CD160: variants seen among roughly 807,000 people sequenced by gnomAD.
CD160 encodes the protein CD160 molecule.
A neutral mutation model predicts 19.2 loss-of-function variants in CD160; 11 were observed. The observed-to-expected ratio is 0.57, with a 90% confidence interval of 0.36 to 0.95. The LOEUF is 0.95. CD160 is among the 40% of genes least tolerant of loss of function. The pLI is 0.01. For missense variants in CD160, 182 were observed against 213.2 expected, an observed-to-expected ratio of 0.85 and a Z score of 0.91; for synonymous variants, 75 against 81.1, an observed-to-expected ratio of 0.93 and a Z score of 0.40.
At chr1:145,719,729 C>A (rs1452971800) in intron 1 of CD160, among the ~76,000 whole-genome samples, 170 bp downstream of exon 1, 1 of 152,202 alleles carries the variant, frequency 6.6e-6, no homozygotes. Context: ...GCCCGCCAGA[C>A]CAGCATGCTC....
chr1:145,735,611 C>T (rs1281818685), intron 4 of CD160, among the ~76,000 whole-genome samples: 1 of 151,818 alleles, frequency 6.6e-6, no homozygotes, highest in Non-Finnish European at 1.5e-5. Flanking sequence ...AACAAACAAA[C>T]AAACAAAAAA....
intron 3 of CD160, among the ~76,000 whole-genome samples, chr1:145,728,707 T>C (rs1332246457): frequency 6.6e-6 from 1 of 152,038 alleles, no homozygotes; most frequent in Non-Finnish European, 1.5e-5. Context: ...TTTCACCATA[T>C]TGGTCAGGCT....
At position 145,730,852 on chromosome 1, in the gene CD160, G is replaced by C; in HGVS notation, c.182G>C (p.Cys61Ser). The C allele has an allele frequency of 6.2e-7, 1 of 1,614,142 alleles. No individual in the cohort carries two copies. Among genetic ancestry groups the C allele is most frequent in the Non-Finnish European group, 8.5e-7 (1 of 1,179,990 alleles). Reference sequence around the variant, plus strand: ...GCTGAGGGGTTTGTAGTGTTTTTGTGCAAGGACAGGTCTGGAGACTGTTCT... The same window carrying C: ...GCTGAGGGGTTTGTAGTGTTTTTGTCCAAGGACAGGTCTGGAGACTGTTCT... ...EEAEGFVVFL[C>S]KDRSGDCSPE... Residue 61 changes from cysteine (C) to serine (S), a missense_variant, in exon 4 of 6, where the codon TGC becomes TCC. Physicochemically the swap from Cys to Ser is moderately radical, Grantham distance 112. Transcript: ENST00000369288.
At chr1:145,725,627 T>A (rs1657026458) in intron 2 of CD160, among the ~76,000 whole-genome samples, 1 of 152,126 alleles carries the variant, frequency 6.6e-6, no homozygotes, top group Non-Finnish European at 1.5e-5. Flanking sequence ...TTCACATCCA[T>A]CCTTGACATT....
intron 1 of CD160, among the ~76,000 whole-genome samples, chr1:145,720,941 C>A (rs942311010): frequency 6.6e-6 from 1 of 152,138 alleles, no homozygotes; most frequent in Non-Finnish European, 1.5e-5. Context: ...AGAGAGGCAC[C>A]GAGCCCTGGG....
intron 5 of CD160, chr1:145,738,225 TTTGA>T (rs1657574788): frequency 6.6e-6 from 2 of 301,280 alleles, no homozygotes; most frequent in East Asian, 1.0e-4. Flanking sequence ...CTATTGCTTC[TTTGA>T]TTGTTCCTTC....
chr1:145,724,952 C>T (rs1422437464), intron 2 of CD160, 46 bp downstream of exon 2: 4 of 151,958 alleles, frequency 2.6e-5, no homozygotes, highest in Non-Finnish European at 4.4e-5. Flanking sequence ...TTTGTAAAGA[C>T]ATGGTCTCAC....
At chr1:145,729,835 G>T (rs782758655) in intron 3 of CD160, among the ~76,000 whole-genome samples, 1 of 152,006 alleles carries the variant, frequency 6.6e-6, no homozygotes, top group African/African-American at 2.4e-5. Flanking sequence ...AATCATCTCT[G>T]GTATTTCTGT....
rs1656823043 is a variant in CD160, at chr1:145,721,096, CCCAGACTTCTCACGACCA to C, written c.-179+1540_-179+1557del. 7.2e-5 allele frequency among the ~76,000 whole-genome samples: 11 copies of C among 152,250 alleles called. No individual in the cohort carries two copies. The South Asian group carries it at 2.3e-3, about 32-fold the overall frequency. Reference sequence around the variant, plus strand: ...TGGCGTGTAGTGGGCCCGGAAAATTCCCAGACTTCTCACGACCACCCGCTCTCCCCTCTGTTGAGGGCC... The same window carrying C: ...TGGCGTGTAGTGGGCCCGGAAAATTCCCCGCTCTCCCCTCTGTTGAGGGCC... On this transcript the variant is annotated intron_variant, in intron 1 of 5. Transcript: ENST00000369288.
At chr1:145,728,551 T>G (rs1186018110) in intron 3 of CD160, 151 bp downstream of exon 3, 1 of 537,334 alleles carries the variant, frequency 1.9e-6, no homozygotes, top group African/African-American at 2.1e-5. Context: ...TCACCCAGGC[T>G]GGAGTGCAGT....
chr1:145,731,564 G>A (rs915371008), intron 4 of CD160, among the ~76,000 whole-genome samples: 26 of 152,178 alleles, frequency 1.7e-4, no homozygotes, highest in African/African-American at 6.0e-4. Context: ...CAGCTACTCA[G>A]GAGGCTAAGG....
At chr1:145,729,223 C>T (rs587705800) in intron 3 of CD160, among the ~76,000 whole-genome samples, 1 of 152,184 alleles carries the variant, frequency 6.6e-6, no homozygotes, top group Non-Finnish European at 1.5e-5. Context: ...ATATCTCTTA[C>T]TCTTGTAGGA....
intron 3 of CD160, 58 bp from the exon 4 acceptor site, chr1:145,730,686 C>T (rs961593107): frequency 1.1e-5 from 15 of 1,396,898 alleles, no homozygotes; most frequent in Admixed American, 3.6e-5. Flanking sequence ...GGAGCAGTTA[C>T]GGTGAAATTC....
At chr1:145,722,339 T>C (rs1383029420) in intron 1 of CD160, among the ~76,000 whole-genome samples, 1 of 152,140 alleles carries the variant, frequency 6.6e-6, no homozygotes, top group Non-Finnish European at 1.5e-5. Flanking sequence ...ATTAAGAAAC[T>C]TGCCCAATAT....
chr1:145,728,248 G>C lies in CD160; in HGVS notation c.-72-8G>C, dbSNP rs1657130252. On this transcript the variant is annotated splice_region_variant and splice_polypyrimidine_tract_variant and intron_variant, in intron 2 of 5. Coordinates refer to ENST00000369288, the MANE Select transcript of CD160 (RefSeq NM_007053.4). ...GGCTTTGTCTAGTGGGTCCCCCTGT[G>C]CTTTTAGGAGACTGAAGCCAAGGAT... The C allele has an allele frequency of 9.8e-7, 1 of 1,022,960 alleles. No homozygotes were observed. Among genetic ancestry groups the C allele is most frequent in the Non-Finnish European group, 1.5e-6 (1 of 657,148 alleles). 63.4% of individuals were successfully genotyped at this position (1,022,960 alleles called of 1,614,324 possible).
chr1:145,738,274 A>G, intron 5 of CD160: 1 of 362,652 alleles, frequency 2.8e-6, no homozygotes, highest in Non-Finnish European at 5.0e-6. Context: ...CCCCCTTCCC[A>G]CTCCCACCAG....
intron 1 of CD160, among the ~76,000 whole-genome samples, chr1:145,719,864 G>T (rs905544906): frequency 1.3e-5 from 2 of 152,206 alleles, no homozygotes; most frequent in African/African-American, 4.8e-5. Flanking sequence ...TCAAGGATTG[G>T]CCTGAGACAA....
At chr1:145,738,075 G>GA (rs1657566732) in intron 5 of CD160, 1 of 155,046 alleles carries the variant, frequency 6.4e-6, no homozygotes, top group Admixed American at 6.5e-5. Flanking sequence ...TACATGTGGG[G>GA]AAAAGGAGGA....
rs188631620 is a variant in CD160, at chr1:145,730,327, A to T, written c.74-417A>T. ...ACAGCAAGACCTTGTTTTAAAAAAA[A>T]ATTTTTTAAATTAAAAATCCCCGGT... On this transcript the variant is annotated intron_variant, in intron 3 of 5. Coordinates refer to ENST00000369288, the MANE Select transcript of CD160 (RefSeq NM_007053.4). Among the ~76,000 whole-genome samples, 974 of 152,250 alleles carry T rather than the reference A, an allele frequency of 6.4e-3. 10 individuals are homozygous for T. Among genetic ancestry groups the T allele is most frequent in the African/African-American group, 0.022 (918 of 41,524 alleles).
Sources: gnomAD v4.1 joint callset for allele counts (sites outside exome capture counted in the v4.1 genomes callset) on GRCh38, gnomAD v4.1.1 for gene constraint, MANE v1.5 for transcripts, NCBI Gene and HGNC (gene_info 2026-07-23, HGNC 2026-07-21) for gene names.